The following NTM variants were observed in gnomAD, a reference collection of about 807,000 sequenced individuals.
NTM encodes the protein IgLON family member 2.
In NTM, 13 loss-of-function variants were observed where a neutral mutation model predicts 42.1. The ratio of observed to expected loss-of-function variants is 0.31; its 90% CI spans 0.20 to 0.49. The LOEUF (loss-of-function observed/expected upper bound fraction) is 0.49, where lower values mean the gene tolerates loss of function less well. Ranked by LOEUF, NTM falls within the 20% of genes least tolerant of loss-of-function variation. NTM has a pLI of 0.99. For synonymous variants in NTM, 187 were observed against 179.2 expected, an observed-to-expected ratio of 1.04 and a Z score of -0.35; for missense variants, 373 against 452.8, an observed-to-expected ratio of 0.82 and a Z score of 1.60.
At chr11:131,628,279 T>A (rs995127974) in intron 1 of NTM, among the ~76,000 whole-genome samples, 1 of 152,220 alleles carries the variant, frequency 6.6e-6, no homozygotes, top group Non-Finnish European at 1.5e-5. Flanking sequence ...CAGTAATTAA[T>A]TAACTTCTCT....
intron 1 of NTM, among the ~76,000 whole-genome samples, chr11:131,486,835 T>C (rs975233730): frequency 3.9e-5 from 6 of 152,188 alleles, no homozygotes; most frequent in Non-Finnish European, 8.8e-5. Flanking sequence ...TCTCAAAGAT[T>C]CTTTTTCCTG....
At chr11:132,184,464 T>A (rs1464258116) in intron 3 of NTM, among the ~76,000 whole-genome samples, 2 of 152,184 alleles carry the variant, frequency 1.3e-5, no homozygotes, top group Non-Finnish European at 2.9e-5. Flanking sequence ...GACTACTGTA[T>A]AAATGGATCA....
rs188531555 is a variant in NTM at position 132,178,569 on chromosome 11, T to A, written c.400+32055T>A. Among the ~76,000 whole-genome samples, 16 of 152,158 alleles carry A rather than the reference T, an allele frequency of 1.1e-4. No homozygotes were observed. In the East Asian group the frequency reaches 2.9e-3, roughly 28 times the overall value. On this transcript the variant is annotated intron_variant, in intron 3 of 8. Transcript: ENST00000683400. ...GGAAATGGTGAAATATAAATAATTA[T>A]GAAAAGTTTGATAGACAGCCTTTTC...
chr11:131,494,663 TAAATG>T (rs1319965238), intron 1 of NTM, among the ~76,000 whole-genome samples: 1 of 152,148 alleles, frequency 6.6e-6, no homozygotes, highest in African/African-American at 2.4e-5. Flanking sequence ...AACGCATAAA[TAAATG>T]GATGAATGTT....
intron 4 of NTM, among the ~76,000 whole-genome samples, chr11:132,295,862 A>G (rs1340550524): frequency 2.0e-5 from 3 of 152,228 alleles, no homozygotes; most frequent in African/African-American, 7.2e-5. Context: ...CAATAAAGAA[A>G]AGAATAAATG....
intron 2 of NTM, among the ~76,000 whole-genome samples, chr11:131,950,661 G>A (rs1038975832): frequency 1.3e-5 from 2 of 152,134 alleles, no homozygotes; most frequent in African/African-American, 4.8e-5. Context: ...GGAGATAATG[G>A]CACCTACCTT....
chr11:131,418,468 C>T (rs1947170165), intron 1 of NTM, among the ~76,000 whole-genome samples: 1 of 152,238 alleles, frequency 6.6e-6, no homozygotes, highest in South Asian at 2.1e-4. Flanking sequence ...CCATCTTCCA[C>T]TCACAGGGAT....
chr11:132,295,831 T>C (rs1260397288), intron 4 of NTM, among the ~76,000 whole-genome samples: 1 of 152,206 alleles, frequency 6.6e-6, no homozygotes, highest in Non-Finnish European at 1.5e-5. Flanking sequence ...GACTGACTCT[T>C]ATTTTTGGCA....
At chr11:131,629,215 C>G (rs952575515) in intron 1 of NTM, among the ~76,000 whole-genome samples, 3 of 152,080 alleles carry the variant, frequency 2.0e-5, no homozygotes, top group African/African-American at 7.2e-5. Flanking sequence ...AAGAGTAAGG[C>G]CATGTGGCTG....
chr11:131,920,282 A>T (rs1377540991), intron 2 of NTM, among the ~76,000 whole-genome samples: 1 of 152,190 alleles, frequency 6.6e-6, no homozygotes, highest in Non-Finnish European at 1.5e-5. Context: ...TCGCAGCTGT[A>T]ATGTTCTCTA....
intron 1 of NTM, among the ~76,000 whole-genome samples, chr11:131,893,489 G>A (rs938025620): frequency 6.6e-6 from 1 of 152,260 alleles, no homozygotes; most frequent in African/African-American, 2.4e-5. Context: ...GCATTAACAG[G>A]CTGGGTCTGC....
intron 1 of NTM, among the ~76,000 whole-genome samples, chr11:131,709,271 T>C (rs1476994410): frequency 6.6e-6 from 1 of 152,044 alleles, no homozygotes; most frequent in East Asian, 1.9e-4. Context: ...GGAAATCTAT[T>C]GGCAGCTTCT....
At chr11:132,258,274 T>G (rs1279053481) in intron 4 of NTM, among the ~76,000 whole-genome samples, 1 of 152,222 alleles carries the variant, frequency 6.6e-6, no homozygotes, top group Non-Finnish European at 1.5e-5. Context: ...TTAATCATCT[T>G]CTGCTTCTGT....
intron 2 of NTM, among the ~76,000 whole-genome samples, chr11:131,946,916 A>G (rs868135947): frequency 9.2e-5 from 14 of 152,218 alleles, no homozygotes; most frequent in South Asian, 6.2e-4. Context: ...GTATACAGGA[A>G]AGTGCCTCTG....
At chr11:132,090,805 C>T (rs1259031890) in intron 2 of NTM, among the ~76,000 whole-genome samples, 5 of 152,172 alleles carry the variant, frequency 3.3e-5, no homozygotes, top group Non-Finnish European at 5.9e-5. Context: ...CCTGGAAAAA[C>T]TCCACTCCAG....
Position 132,090,019 on chromosome 11 carries a change from T to C in NTM, c.168-56263T>C, listed in dbSNP as rs953530786. Among the ~76,000 whole-genome samples the C allele has an allele frequency of 4.6e-5, 7 of 152,214 alleles. No homozygotes were observed. The South Asian group carries it at 1.4e-3, about 32-fold the overall frequency. ...GTATGCTAATCACTCTTCCAGATGC[T>C]TTGTATATATTGTTTCATGTCATCC... is the stretch of plus-strand genomic sequence containing the variant. On this transcript the variant is annotated intron_variant, in intron 2 of 8. Coordinates refer to ENST00000683400, the MANE Select transcript of NTM (RefSeq NM_001352005.2).
At chr11:131,402,190 C>A (rs1945315234) in intron 1 of NTM, among the ~76,000 whole-genome samples, 2 of 151,782 alleles carry the variant, frequency 1.3e-5, no homozygotes, top group South Asian at 4.1e-4. Flanking sequence ...GTTATGGATG[C>A]AACACCATGA....
intron 2 of NTM, among the ~76,000 whole-genome samples, chr11:132,142,104 G>A (rs550205653): frequency 5.3e-5 from 8 of 152,280 alleles, no homozygotes; most frequent in South Asian, 4.2e-4. Context: ...GTGGGAGGGC[G>A]GTATATCTGG....
At chr11:131,614,837 G>A (rs957178721) in intron 1 of NTM, among the ~76,000 whole-genome samples, 1 of 152,206 alleles carries the variant, frequency 6.6e-6, no homozygotes, top group Non-Finnish European at 1.5e-5. Flanking sequence ...TCAGTTGAAA[G>A]TGAGACACTG....
Sources: gnomAD v4.1 joint callset for allele counts (sites outside exome capture counted in the v4.1 genomes callset) on GRCh38, gnomAD v4.1.1 for gene constraint, MANE v1.5 for transcripts, NCBI Gene and HGNC (gene_info 2026-07-23, HGNC 2026-07-21) for gene names.